Variants in CFAP251 observed in about 807,000 individuals in gnomAD.
CFAP251 encodes cilia and flagella associated protein 251, also known as cilia- and flagella-associated protein 251.
In CFAP251, 93 loss-of-function variants were observed where a neutral mutation model predicts 126.7. The ratio of observed to expected loss-of-function variants is 0.73; its 90% CI spans 0.62 to 0.87. The LOEUF (loss-of-function observed/expected upper bound fraction) is 0.87. CFAP251 is among the 40% of genes least tolerant of loss of function. The pLI is 0.00. For synonymous variants in CFAP251, 503 were observed against 506.9 expected (o/e 0.99, Z 0.10); for missense variants, 1,287 against 1,389.2 (o/e 0.93, Z 1.17).
Position 121,975,636 on chromosome 12 carries a change from A to G in CFAP251, c.2957A>G (p.Glu986Gly). ...GTGTCAGAACACATTTGCCTGTCAG[A>G]GCTTCCTTTTGTCATGAGAGCAATT... is the stretch of plus-strand genomic sequence containing the variant. ...RKVSEHICLSELPFVMRAIGF... is the reference protein window; with the variant it reads ...RKVSEHICLSGLPFVMRAIGF... Residue 986 changes from glutamate (E) to glycine (G), a missense_variant, in exon 19 of 22, where the codon GAG (glutamate) becomes GGG (glycine). Transcript: ENST00000288912. The G allele has an allele frequency of 1.3e-6, 2 of 1,598,954 alleles. No individual in the cohort carries two copies. Among genetic ancestry groups the G allele is most frequent in the Non-Finnish European group, 1.7e-6 (2 of 1,175,806 alleles).
In CFAP251 at chr12:121,999,846, G is replaced by C. The variant is rs775707067; in HGVS notation, c.3137G>C (p.Ser1046Thr). Residue 1046 changes from serine to threonine, a missense_variant, in exon 20 of 22, where the codon AGT becomes ACT. Transcript: ENST00000288912. The stretch of plus-strand genomic sequence containing the variant: ...AAGCCACCTTTTGGTAACACCATGA[G>C]TGGCATCCACAAGAGCTTTGAGGTG... The part of the protein sequence containing the change: ...NHKPPFGNTM[S>T]GIHKSFEVLG... 1 of 1,614,196 alleles carries C rather than the reference G, an allele frequency of 6.2e-7. No homozygotes were observed. The highest frequency in any genetic ancestry group is 1.3e-5 in the African/African-American group (1 of 75,062).
At chr12:121,980,248 C>T (rs564650500) in intron 19 of CFAP251, among the ~76,000 whole-genome samples, 3 of 152,292 alleles carry the variant, frequency 2.0e-5, no homozygotes, top group South Asian at 4.1e-4. Flanking sequence ...CAGATGACAG[C>T]TAAGACGTGG....
At chr12:121,955,884 G>A (rs1394996796) in intron 10 of CFAP251, 2 of 152,260 alleles carry the variant, frequency 1.3e-5, no homozygotes, top group African/African-American at 2.4e-5. Flanking sequence ...CAGGACCTGG[G>A]AGTCCAAGAA....
chr12:121,984,521 A>T (rs146538444), intron 19 of CFAP251, among the ~76,000 whole-genome samples: 8,200 of 152,146 alleles, frequency 0.054, 257 homozygotes, highest in Middle Eastern at 0.071. Flanking sequence ...TTAGCCAGGA[A>T]GGTCTCAATC....
At chr12:121,928,646 A>ATATATATATACG (rs869308472) in intron 3 of CFAP251, among the ~76,000 whole-genome samples, 1 of 20,862 alleles carries the variant, frequency 4.8e-5, no homozygotes, top group Non-Finnish European at 1.6e-4. Context: ...ACGTATATAT[A>ATATATATATACG]TATATATATA....
Position 121,976,934 on chromosome 12 carries a change from C to A in CFAP251, c.3006+1249C>A, listed in dbSNP as rs148293448. Among the ~76,000 whole-genome samples the A allele has an allele frequency of 3.9e-5, 6 of 152,220 alleles. No homozygotes were observed. The East Asian group carries it at 1.2e-3, about 29-fold the overall frequency. On this transcript the variant is annotated intron_variant, in intron 19 of 21. Coordinates refer to ENST00000288912, the MANE Select transcript of CFAP251 (RefSeq NM_144668.6). The stretch of plus-strand genomic sequence containing the variant: ...AAAAAATTAATAAATAAATAAAGTA[C>A]AATTTATTGTATTTCTTCTGACTTT...
chr12:121,960,622 TCAGAAATGGA>T lies in CFAP251; in HGVS notation c.2176_2185del (p.Asn726GlyfsTer6). On this transcript the variant is annotated frameshift_variant, in exon 14 of 22. Coordinates refer to ENST00000288912, the MANE Select transcript of CFAP251 (RefSeq NM_144668.6). LOFTEE classifies it high-confidence loss of function. ...ACTGTGGCTGTTTACATGCTGGTGG[TCAGAAATGGA>T]CAGAGGGTCTGGGAGTACTTAGCAA... is the stretch of plus-strand genomic sequence containing the variant. The T allele has an allele frequency of 6.2e-7, 1 of 1,614,146 alleles. No homozygotes were observed. Among genetic ancestry groups the T allele is most frequent in the Non-Finnish European group, 8.5e-7 (1 of 1,180,000 alleles).
chr12:122,002,635 T>C (rs927235757), intron 21 of CFAP251, among the ~76,000 whole-genome samples: 1 of 152,182 alleles, frequency 6.6e-6, no homozygotes, highest in Non-Finnish European at 1.5e-5. Flanking sequence ...GCCAAAACTT[T>C]CAGGTTTTTA....
intron 9 of CFAP251, among the ~76,000 whole-genome samples, chr12:121,952,313 G>A (rs947113704): frequency 1.3e-5 from 2 of 149,592 alleles, no homozygotes; most frequent in Admixed American, 6.7e-5. Flanking sequence ...CCAGCTACTC[G>A]GGAGGCTGAG....
chr12:121,983,667 A>T (rs1488086749), intron 19 of CFAP251, among the ~76,000 whole-genome samples: 1 of 152,134 alleles, frequency 6.6e-6, no homozygotes, highest in African/African-American at 2.4e-5. Flanking sequence ...ACCACTTCCC[A>T]AAAGGAGAGT....
rs1465598988 is a variant in CFAP251, at chr12:121,969,530, G to A, written c.2771+1361G>A. On this transcript the variant is annotated intron_variant, in intron 17 of 21. Coordinates refer to ENST00000288912, the MANE Select transcript of CFAP251 (RefSeq NM_144668.6). Reference sequence around the variant, plus strand: ...AGACAGGGTCTGGCTCAGTCGCTCAGGCTGTAGTACAGAGGTGTGATCATG... The same window carrying A: ...AGACAGGGTCTGGCTCAGTCGCTCAAGCTGTAGTACAGAGGTGTGATCATG... 5 of 973,856 alleles carry A rather than the reference G, an allele frequency of 5.1e-6. No individual in the cohort carries two copies. In the African/African-American group the frequency reaches 8.8e-5, roughly 17 times the overall value. The allele number at this position is 973,856 out of a possible 1,614,324, so 60.3% of individuals were successfully genotyped here. A position where few individuals can be genotyped will look rare whatever the true frequency, so the allele number is the denominator to read the frequency against.
intron 15 of CFAP251, among the ~76,000 whole-genome samples, chr12:121,966,449 T>TTC (rs1724402994): frequency 8.0e-6 from 1 of 125,124 alleles, no homozygotes; most frequent in Non-Finnish European, 1.7e-5. Flanking sequence ...TTTTTTTTTT[T>TTC]TTAGTAGAGG....
At chr12:121,931,087 G>A (rs1880667273) in intron 3 of CFAP251, among the ~76,000 whole-genome samples, 1 of 151,992 alleles carries the variant, frequency 6.6e-6, no homozygotes, top group Non-Finnish European at 1.5e-5. Flanking sequence ...TGACTTCATT[G>A]TAACTTGTCT....
chr12:121,993,229 G>T (rs1198046933), intron 19 of CFAP251, among the ~76,000 whole-genome samples: 2 of 133,758 alleles, frequency 1.5e-5, no homozygotes, highest in Admixed American at 7.4e-5. Context: ...TCGGCCTCCC[G>T]AGGTGCCGGG....
At position 121,959,097 on chromosome 12, in the gene CFAP251, A is replaced by G. The variant is rs375739360; in HGVS notation, c.2133+3A>G. 4 of 1,580,100 alleles carry G rather than the reference A, an allele frequency of 2.5e-6. No individual in the cohort carries two copies. The African/African-American group carries it at 4.1e-5, about 16-fold the overall frequency. On this transcript the variant is annotated splice_donor_region_variant and intron_variant, in intron 13 of 21. Transcript: ENST00000288912. ...ACTCCCAGTATATGGCAACTGCTGT[A>G]AGTATTTTCATGGACAACCCATCCA...
At chr12:121,951,205 A>T (rs1881511337) in intron 8 of CFAP251, 2 of 263,392 alleles carry the variant, frequency 7.6e-6, no homozygotes, top group Non-Finnish European at 1.5e-5. Flanking sequence ...TGGGCGATAG[A>T]TGTGTTTCTG....
At chr12:121,962,240 G>A in intron 15 of CFAP251, 78 bp downstream of exon 15, 1 of 1,351,020 alleles carries the variant, frequency 7.4e-7, no homozygotes, top group South Asian at 1.4e-5. Context: ...TCTCCACATA[G>A]GGACCTGCAG....
chr12:121,940,083 C>T (rs775590315), intron 5 of CFAP251, among the ~76,000 whole-genome samples: 3 of 151,920 alleles, frequency 2.0e-5, no homozygotes, highest in African/African-American at 4.8e-5. Flanking sequence ...GTTTATAAAC[C>T]TATTACGATT....
chr12:121,988,885 G>A (rs765076560), intron 19 of CFAP251, among the ~76,000 whole-genome samples: 2 of 151,586 alleles, frequency 1.3e-5, no homozygotes, highest in Non-Finnish European at 2.9e-5. Flanking sequence ...ACAGGTGCCC[G>A]CCCCCACGCC....
Sources: allele counts gnomAD v4.1 joint callset (sites outside exome capture counted in the v4.1 genomes callset), GRCh38; gene constraint gnomAD v4.1.1; transcripts MANE v1.5; gene names NCBI Gene and HGNC (gene_info 2026-07-23, HGNC 2026-07-21).